Variants in ARPP21 observed in about 807,000 individuals in gnomAD.
ARPP21 encodes the protein cAMP-regulated phosphoprotein 21.
In ARPP21, 69 loss-of-function variants were observed where a neutral mutation model predicts 113.2. That is an observed-to-expected ratio of 0.61 (90% CI 0.50 to 0.74). The LOEUF is 0.74. Among genes scored for constraint, ARPP21 ranks in the 30% least tolerant of loss-of-function variants. ARPP21 has a pLI of 0.00. For synonymous variants in ARPP21, 368 were observed against 375.5 expected (o/e 0.98, Z 0.23); for missense variants, 1,070 against 1,037.4 (o/e 1.03, Z -0.43).
chr3:35,661,186 T>C (rs1363098781), intron 1 of ARPP21, among the ~76,000 whole-genome samples: 4 of 152,174 alleles, frequency 2.6e-5, no homozygotes, highest in Non-Finnish European at 5.9e-5. Context: ...AGCGAGTGCT[T>C]TACTTTGACC....
At chr3:35,709,260 T>C (rs1466688376) in intron 11 of ARPP21, among the ~76,000 whole-genome samples, 190 bp downstream of exon 11, 1 of 152,048 alleles carries the variant, frequency 6.6e-6, no homozygotes, top group Non-Finnish European at 1.5e-5. Flanking sequence ...TAGCCAAGGG[T>C]TTGGGTGTGT....
intron 14 of ARPP21, among the ~76,000 whole-genome samples, chr3:35,726,512 G>A (rs559421166): frequency 2.0e-5 from 3 of 152,326 alleles, no homozygotes; most frequent in South Asian, 2.1e-4. Flanking sequence ...GCCAAATTTA[G>A]GTTTCCTTCC....
chr3:35,674,866 T>C (rs1313590329), intron 1 of ARPP21, among the ~76,000 whole-genome samples: 2 of 151,986 alleles, frequency 1.3e-5, no homozygotes, highest in South Asian at 2.1e-4. Context: ...GGAGAAAAGA[T>C]AGCGGTCCTG....
chr3:35,668,993 T>A (rs370666064), intron 1 of ARPP21, among the ~76,000 whole-genome samples: 8 of 152,156 alleles, frequency 5.3e-5, no homozygotes, highest in African/African-American at 1.9e-4. Flanking sequence ...CAATAAAGAA[T>A]AAATGACCCC....
At position 35,683,736 on chromosome 3, in the gene ARPP21, G is replaced by A. The variant is rs149733002; in HGVS notation, c.182G>A (p.Gly61Glu). 7.3e-7 allele frequency: 1 copy of A among 1,375,112 alleles called. No homozygotes were observed. Among genetic ancestry groups the A allele is most frequent in the Non-Finnish European group, 1.0e-6 (1 of 965,564 alleles). 85.2% of individuals were successfully genotyped at this position (1,375,112 alleles called of 1,614,324 possible). A position where few individuals can be genotyped will look rare whatever the true frequency, so the allele number is the denominator to read the frequency against. ...TTTCCCCCCTCCTAGTCAGGAGCAGGAAAAGGTAAACTGACTCGCAGCCTT... is the reference window on the plus strand; with the variant it reads ...TTTCCCCCCTCCTAGTCAGGAGCAGAAAAAGGTAAACTGACTCGCAGCCTT... The part of the protein sequence containing the change: ...QERRKSKSGA[G>E]KGKLTRSLAV... Residue 61 changes from glycine (G) to glutamate (E), a missense_variant, in exon 5 of 21, where the codon GGA (glycine) becomes GAA (glutamate). Coordinates refer to ENST00000684406, the MANE Select transcript of ARPP21 (RefSeq NM_001385562.1).
intron 9 of ARPP21, among the ~76,000 whole-genome samples, chr3:35,702,767 G>T (rs1415445626): frequency 2.6e-5 from 4 of 151,704 alleles, no homozygotes; most frequent in Non-Finnish European, 5.9e-5. Flanking sequence ...AAATGAGGTG[G>T]TATAAAATGA....
chr3:35,693,653 A>G (rs369914539), intron 9 of ARPP21, among the ~76,000 whole-genome samples: 52 of 151,842 alleles, frequency 3.4e-4, no homozygotes, highest in East Asian at 3.1e-3. Context: ...CATTATATTC[A>G]AAACATTCTA....
Position 35,684,678 on chromosome 3 carries a change from C to A in ARPP21, c.261+863C>A, listed in dbSNP as rs866073426. ...ATTATTTTTGTTTGGTTTGGTTTTG[C>A]TTTTTTCCTCTTACTTTAATTGAAA... On this transcript the variant is annotated intron_variant, in intron 5 of 20. Transcript: ENST00000684406. 24 of 985,146 alleles carry A rather than the reference C, an allele frequency of 2.4e-5. 1 individual carries two copies. In the African/African-American group the frequency reaches 2.8e-4, roughly 11 times the overall value. 61.0% of individuals were successfully genotyped at this position (985,146 alleles called of 1,614,324 possible).
At position 35,690,955 on chromosome 3, in the gene ARPP21, G is replaced by A. The variant is rs573407459; in HGVS notation, c.636G>A (p.Val212=). The part of the protein sequence containing the change: ...VAAYFGLDHN[V]DQTGKSVIIN... ...CTTATTTTGGATTGGATCACAATGT[G>A]GATCAAACAGGAAAATCTGTTATCA... The change falls in exon 9 of 21, where the codon GTG becomes GTA. Residue 212 remains valine, a synonymous_variant. Coordinates refer to ENST00000684406, the MANE Select transcript of ARPP21 (RefSeq NM_001385562.1). 4 of 1,610,494 alleles carry A rather than the reference G, an allele frequency of 2.5e-6. No homozygotes were observed. Among genetic ancestry groups the A allele is most frequent in the African/African-American group, 2.7e-5 (2 of 74,658 alleles).
chr3:35,667,690 G>T (rs564777816), intron 1 of ARPP21, among the ~76,000 whole-genome samples: 1 of 151,826 alleles, frequency 6.6e-6, no homozygotes, highest in South Asian at 2.1e-4. Context: ...TTAATTAAAA[G>T]GAAATGTAAT....
chr3:35,771,781 T>C (rs574884554), intron 19 of ARPP21, among the ~76,000 whole-genome samples: 1 of 152,252 alleles, frequency 6.6e-6, no homozygotes, highest in African/African-American at 2.4e-5. Flanking sequence ...ATAGAAGTAG[T>C]CTCTTAAGGG....
intron 8 of ARPP21, 144 bp from the exon 9 acceptor site, chr3:35,690,721 A>G: frequency 1.4e-6 from 1 of 702,226 alleles, no homozygotes; most frequent in African/African-American, 1.8e-5. Flanking sequence ...TTTTCTAGAA[A>G]TTAGGACATT....
intron 1 of ARPP21, among the ~76,000 whole-genome samples, chr3:35,646,046 AT>A (rs150306262): frequency 0.027 from 4,108 of 152,088 alleles, 169 homozygotes; most frequent in African/African-American, 0.09. Context: ...AGGCCTAGCT[AT>A]CATCTAAATG....
chr3:35,739,165 C>T, intron 17 of ARPP21, 152 bp from the exon 18 acceptor site: 1 of 1,009,530 alleles, frequency 9.9e-7, no homozygotes. Flanking sequence ...TTGTTATGTT[C>T]TGGCTGAAGA....
chr3:35,709,114 C>A, intron 11 of ARPP21, 44 bp downstream of exon 11: 1 of 1,336,694 alleles, frequency 7.5e-7, no homozygotes, highest in Non-Finnish European at 1.1e-6. Flanking sequence ...CTCCTTCCAA[C>A]AGCAGTAAGG....
intron 9 of ARPP21, 32 bp downstream of exon 9, chr3:35,691,037 TTC>T: frequency 6.3e-7 from 1 of 1,583,026 alleles, no homozygotes; most frequent in Non-Finnish European, 8.6e-7. Flanking sequence ...ATTTAGCATT[TTC>T]TTTTTCTCCT....
In ARPP21 at chr3:35,717,341, A is replaced by G; in HGVS notation, c.979A>G (p.Lys327Glu). Residue 327 changes from lysine to glutamate, a missense_variant, in exon 13 of 21, where the codon AAA (lysine) becomes GAA (glutamate). By Grantham distance (56) the Lys-to-Glu change is moderately conservative. Transcript: ENST00000684406. ...DSNICNETYK[K>E]RQLFRGNRDG... Reference sequence around the variant, plus strand: ...TAACATATGCAATGAGACCTATAAGAAAAGACAGCTCTTTCGGTTGGTATG... The same window carrying G: ...TAACATATGCAATGAGACCTATAAGGAAAGACAGCTCTTTCGGTTGGTATG... The G allele has an allele frequency of 1.2e-6, 2 of 1,604,624 alleles. No homozygotes were observed. The highest frequency in any genetic ancestry group is 1.7e-6 in the Non-Finnish European group (2 of 1,171,684).
chr3:35,697,840 A>G (rs2149782400), intron 9 of ARPP21, among the ~76,000 whole-genome samples: 1 of 151,770 alleles, frequency 6.6e-6, no homozygotes, highest in Admixed American at 6.6e-5. Context: ...CGTGTTTATT[A>G]TATTTATCTT....
chr3:35,682,527 C>A, intron 3 of ARPP21: 1 of 265,546 alleles, frequency 3.8e-6, no homozygotes, highest in Non-Finnish European at 7.0e-6. Context: ...GAAGTGTTAA[C>A]TCTTTATATA....
Sources: gnomAD v4.1 joint callset for allele counts (sites outside exome capture counted in the v4.1 genomes callset) on GRCh38, gnomAD v4.1.1 for gene constraint, MANE v1.5 for transcripts, NCBI Gene and HGNC (gene_info 2026-07-23, HGNC 2026-07-21) for gene names.